The following ACSL3 variants were observed in gnomAD, a reference collection of about 807,000 sequenced individuals.
ACSL3 encodes the protein fatty acid CoA ligase Acsl3.
Under a neutral mutation model 84.7 loss-of-function variants are expected in ACSL3, and 34 were observed. The observed-to-expected ratio is 0.40, with a 90% confidence interval of 0.31 to 0.53. The LOEUF (loss-of-function observed/expected upper bound fraction) is 0.53, where lower values mean the gene tolerates loss of function less well. Among genes scored for constraint, ACSL3 ranks in the 20% least tolerant of loss-of-function variants. ACSL3 has a pLI of 0.48. For missense variants in ACSL3, 680 were observed against 873.1 expected (o/e 0.78, Z 2.79); for synonymous variants, 315 against 299.4 (o/e 1.05, Z -0.54).
chr2:222,931,191 G>A (rs1004913471), intron 14 of ACSL3, among the ~76,000 whole-genome samples: 1 of 151,980 alleles, frequency 6.6e-6, no homozygotes, highest in African/African-American at 2.4e-5. Context: ...GACTCATATG[G>A]GTTGAAAAAT....
At chr2:222,919,037 A>C in intron 6 of ACSL3, 27 bp from the exon 7 acceptor site, 1 of 1,609,442 alleles carries the variant, frequency 6.2e-7, no homozygotes, top group South Asian at 1.1e-5. Context: ...AAAATAATGA[A>C]CGTGATGAAT....
At chr2:222,936,006 A>C (rs143918820) in intron 16 of ACSL3, among the ~76,000 whole-genome samples, 33 of 152,162 alleles carry the variant, frequency 2.2e-4, no homozygotes, top group Non-Finnish European at 3.7e-4. Flanking sequence ...TACATGTGGA[A>C]TCATACGGTA....
chr2:222,914,178 G>C (rs900009682), intron 4 of ACSL3, among the ~76,000 whole-genome samples: 17 of 151,938 alleles, frequency 1.1e-4, no homozygotes, highest in Non-Finnish European at 2.2e-4. Context: ...TTTTCAGTAG[G>C]AGACAAGATT....
intron 3 of ACSL3, among the ~76,000 whole-genome samples, chr2:222,905,544 G>T (rs1696271049): frequency 6.6e-6 from 1 of 152,142 alleles, no homozygotes; most frequent in African/African-American, 2.4e-5. Context: ...TTTCTTCTGG[G>T]TTATTAGGGT....
At chr2:222,928,729 G>T in intron 12 of ACSL3, 133 bp from the exon 13 acceptor site, 3 of 770,746 alleles carry the variant, frequency 3.9e-6, no homozygotes, top group Non-Finnish European at 6.4e-6. Context: ...TCACCAATAT[G>T]TGACTTCTGC....
chr2:222,926,950 A>C, intron 11 of ACSL3, 67 bp from the exon 12 acceptor site: 2 of 1,516,502 alleles, frequency 1.3e-6, no homozygotes, highest in Non-Finnish European at 1.8e-6. Context: ...CTGGGGGATT[A>C]GTTTAAGTGA....
rs1696594333 is a variant in ACSL3, at chr2:222,916,741, T to C, written c.556+245T>C. ...TGGGAGACTTTCAGGTCTTGAGAAC[T>C]AGACCTACACTTAGGGGCCGTTGTT... On this transcript the variant is annotated intron_variant, in intron 5 of 16. Coordinates refer to ENST00000357430, the MANE Select transcript of ACSL3 (RefSeq NM_004457.5). 3 of 311,694 alleles carry C rather than the reference T, an allele frequency of 9.6e-6. No homozygotes were observed. The South Asian group carries it at 3.8e-4, about 39-fold the overall frequency. The allele number at this position is 311,694 out of a possible 1,614,324, so 19.3% of individuals were successfully genotyped here. A position where few individuals can be genotyped will look rare whatever the true frequency, so the allele number is the denominator to read the frequency against.
At chr2:222,918,208 C>T (rs1696637829) in intron 6 of ACSL3, 53 bp downstream of exon 6, 2 of 1,213,682 alleles carry the variant, frequency 1.6e-6, no homozygotes, top group South Asian at 1.3e-5. Flanking sequence ...TTTTCAGTGT[C>T]ATGAGCCCTA....
chr2:222,881,595 C>A (rs1695592895), intron 1 of ACSL3, among the ~76,000 whole-genome samples: 1 of 152,196 alleles, frequency 6.6e-6, no homozygotes, highest in Admixed American at 6.5e-5. Context: ...TGGTTTACTG[C>A]AACCTCCGCT....
chr2:222,920,641 C>G (rs1327035944), intron 7 of ACSL3, among the ~76,000 whole-genome samples: 2 of 152,006 alleles, frequency 1.3e-5, no homozygotes, highest in Non-Finnish European at 2.9e-5. Context: ...AGTTAGTTAG[C>G]CACACAGCAG....
rs529582783 is a variant in ACSL3, at chr2:222,891,377, A to C, written c.-148+3489A>C. On this transcript the variant is annotated intron_variant, in intron 2 of 16. Transcript: ENST00000357430. ...AGTGACCTGCTCAAGATCTCTTAGT[A>C]ATTGGCAGCAGAGCTCAGTCTAGTC... 7.2e-5 allele frequency among the ~76,000 whole-genome samples: 11 copies of C among 152,338 alleles called. No homozygotes were observed. In the South Asian group the frequency reaches 2.3e-3, roughly 32 times the overall value.
intron 3 of ACSL3, chr2:222,904,652 C>T (rs1239705767): frequency 6.5e-5 from 10 of 153,710 alleles, no homozygotes; most frequent in South Asian, 4.1e-4. Flanking sequence ...ATTCCCATGC[C>T]TGAGATTTGC....
rs1183081434 is a variant in ACSL3, at chr2:222,922,907, CA to C, written c.1080+77del. 6 of 1,575,202 alleles carry C rather than the reference CA, an allele frequency of 3.8e-6. No individual in the cohort carries two copies. In the African/African-American group the frequency reaches 8.2e-5, roughly 21 times the overall value. On this transcript the variant is annotated intron_variant, in intron 9 of 16. Transcript: ENST00000357430. The stretch of plus-strand genomic sequence containing the variant: ...AATGCATTTTTTTCAGTCAGTATGA[CA>C]GTATATTGCGAGAGCGATGGTTCAT...
At chr2:222,864,144 C>G (rs1287498589) in intron 1 of ACSL3, among the ~76,000 whole-genome samples, 1 of 152,130 alleles carries the variant, frequency 6.6e-6, no homozygotes, top group Admixed American at 6.5e-5. Context: ...CAGACCTATG[C>G]AACTAAAGAG....
chr2:222,885,359 A>G lies in ACSL3; in HGVS notation c.-206-2471A>G, dbSNP rs553846591. ...AGTGCCAAGATCTATCTTGTTTGCC[A>G]TATCTTTGCCAACACTTGTGAATTT... On this transcript the variant is annotated intron_variant, in intron 1 of 16. Transcript: ENST00000357430. Among the ~76,000 whole-genome samples the G allele has an allele frequency of 3.9e-5, 6 of 152,264 alleles. No individual in the cohort carries two copies. In the South Asian group the frequency reaches 1.2e-3, roughly 32 times the overall value.
At chr2:222,918,653 A>ATGT (rs1365176248) in intron 6 of ACSL3, among the ~76,000 whole-genome samples, 3 of 148,676 alleles carry the variant, frequency 2.0e-5, no homozygotes, top group African/African-American at 7.4e-5. Flanking sequence ...GAAAATTCAC[A>ATGT]TGTAAACTTG....
chr2:222,942,021 A>G lies in ACSL3; in HGVS notation c.*367A>G, dbSNP rs1019436980. The G allele has an allele frequency of 8.8e-6, 2 of 228,202 alleles. No individual in the cohort carries two copies. Among genetic ancestry groups the G allele is most frequent in the African/African-American group, 4.4e-5 (2 of 45,068 alleles). The allele number at this position is 228,202 out of a possible 1,614,324, so 14.1% of individuals were successfully genotyped here. On this transcript the variant is annotated 3_prime_UTR_variant, in exon 17 of 17. Transcript: ENST00000357430. ...TTTAAAAGTTTGGATGTATAGAGGG[A>G]TAAATAGGAAATATAAGAATTGGTT...
chr2:222,873,687 T>C (rs1695366838), intron 1 of ACSL3, among the ~76,000 whole-genome samples: 1 of 152,242 alleles, frequency 6.6e-6, no homozygotes, highest in Non-Finnish European at 1.5e-5. Context: ...TATCATATCA[T>C]GAGCAATTCC....
intron 13 of ACSL3, among the ~76,000 whole-genome samples, chr2:222,929,810 C>CT (rs1249686928): frequency 2.6e-5 from 4 of 151,444 alleles, no homozygotes; most frequent in East Asian, 3.9e-4. Context: ...GATTCTAAGG[C>CT]TTGGATGTCT....
Sources: allele counts gnomAD v4.1 joint callset (sites outside exome capture counted in the v4.1 genomes callset), GRCh38; gene constraint gnomAD v4.1.1; transcripts MANE v1.5; gene names NCBI Gene and HGNC (gene_info 2026-07-23, HGNC 2026-07-21).